IL34: variants seen among roughly 807,000 people sequenced by gnomAD.
IL34 encodes interleukin-34.
A neutral mutation model predicts 25.3 loss-of-function variants in IL34; 17 were observed. The observed-to-expected ratio is 0.67, with a 90% CI of 0.46 to 1.01. The LOEUF (loss-of-function observed/expected upper bound fraction) is 1.01. Among genes scored for constraint, IL34 ranks in the 50% least tolerant of loss-of-function variants. The pLI, the probability that IL34 is intolerant of heterozygous loss-of-function variation, is 0.00. For synonymous variants in IL34, 174 were observed against 140.9 expected (o/e 1.23, Z -1.66); for missense variants, 368 against 312.9 (o/e 1.18, Z -1.33).
intron 1 of IL34, among the ~76,000 whole-genome samples, chr16:70,598,718 G>A (rs533786182): frequency 2.2e-4 from 34 of 152,220 alleles, no homozygotes; most frequent in Non-Finnish European, 4.9e-4. Flanking sequence ...CAGCCTGGGC[G>A]ACAGAGTGAA....
chr16:70,630,392 T>C (rs976741010), intron 1 of IL34, among the ~76,000 whole-genome samples: 5 of 152,018 alleles, frequency 3.3e-5, no homozygotes, highest in Non-Finnish European at 5.9e-5. Context: ...CCACCATGCC[T>C]GGCTAAGTTT....
chr16:70,585,724 G>T (rs560556523), intron 1 of IL34, among the ~76,000 whole-genome samples: 3 of 151,354 alleles, frequency 2.0e-5, no homozygotes, highest in African/African-American at 7.3e-5. Context: ...TAGAGACAGG[G>T]TCTCCCTATG....
chr16:70,640,825 C>T (rs56220651), intron 1 of IL34, among the ~76,000 whole-genome samples: 1 of 151,912 alleles, frequency 6.6e-6, no homozygotes, highest in Admixed American at 6.6e-5. Flanking sequence ...CCAAAATTCC[C>T]CTGCGCCCCT....
intron 1 of IL34, among the ~76,000 whole-genome samples, chr16:70,612,995 A>C (rs1327023047): frequency 6.6e-6 from 1 of 151,904 alleles, no homozygotes; most frequent in Non-Finnish European, 1.5e-5. Flanking sequence ...CTGGTCTCGA[A>C]CTCCTGACCT....
intron 4 of IL34, among the ~76,000 whole-genome samples, chr16:70,657,978 T>A (rs1963853794): frequency 6.6e-6 from 1 of 152,090 alleles, no homozygotes; most frequent in South Asian, 2.1e-4. Flanking sequence ...GATATTATCC[T>A]CTAAAATGCC....
intron 1 of IL34, among the ~76,000 whole-genome samples, chr16:70,599,288 T>C (rs2050872373): frequency 1.6e-5 from 2 of 124,294 alleles, no homozygotes; most frequent in South Asian, 6.7e-4. Context: ...TTTCTTTCTT[T>C]CTTTCTTCTT....
In IL34 at chr16:70,629,703, C is replaced by CT. The variant is rs753038665; in HGVS notation, c.-400-16834dup. ...ATTGTAGACCTCACTACATTTTTTT[C>CT]TTTTTTTTTTTAATTTGAAATGTTT... On this transcript the variant is annotated intron_variant, in intron 1 of 6. Coordinates refer to the IL34 transcript ENST00000429149. 8.9e-3 allele frequency among the ~76,000 whole-genome samples: 1,251 copies of CT among 140,546 alleles called. 16 individuals carry two copies. Among genetic ancestry groups the CT allele is most frequent in the African/African-American group, 0.03 (1,150 of 38,486 alleles). 92.2% of individuals were successfully genotyped at this position (140,546 alleles called of 152,430 possible).
chr16:70,612,310 A>G (rs12149517), intron 1 of IL34, among the ~76,000 whole-genome samples: 67,814 of 149,868 alleles, frequency 0.45, 15,577 homozygotes, highest in South Asian at 0.66. Context: ...ACAGCCTGAA[A>G]GCACTGGGGG....
At position 70,618,960 on chromosome 16, in the gene IL34, G is replaced by C. The variant is rs148063762; in HGVS notation, c.-400-27588G>C. ...ATAGTAAAGAAAGCATGTTTGAGATGTAGAACAGAATAATGGGTTATAGAG... is the reference window on the plus strand; with the variant it reads ...ATAGTAAAGAAAGCATGTTTGAGATCTAGAACAGAATAATGGGTTATAGAG... On this transcript the variant is annotated intron_variant, in intron 1 of 6. Coordinates refer to the IL34 transcript ENST00000429149. Among the ~76,000 whole-genome samples the C allele has an allele frequency of 9.9e-3, 1,499 of 152,180 alleles. 23 individuals are homozygous for C. The highest frequency in any genetic ancestry group is 0.034 in the African/African-American group (1,430 of 41,510).
In IL34 at chr16:70,582,449, G is replaced by A. The variant is rs143544029; in HGVS notation, c.-401+2400G>A. ...GCTCAGCAGAAGGAGCGTAGGCTCT[G>A]GAGCTGGTCGGGCTGGATTCCGGTC... On this transcript the variant is annotated intron_variant, in intron 1 of 6. Transcript: ENST00000429149. Among the ~76,000 whole-genome samples, 110 of 152,380 alleles carry A rather than the reference G, an allele frequency of 7.2e-4. 1 individual carries two copies. The highest frequency in any genetic ancestry group is 2.5e-3 in the African/African-American group (106 of 41,592).
intron 1 of IL34, among the ~76,000 whole-genome samples, chr16:70,632,749 G>A (rs2151852131): frequency 6.6e-6 from 1 of 152,258 alleles, no homozygotes; most frequent in East Asian, 1.9e-4. Flanking sequence ...GAGAGCTATG[G>A]GGAGGGATCT....
chr16:70,660,261 C>T lies in IL34; in HGVS notation c.*74C>T, dbSNP rs1457231277. 5 of 1,377,456 alleles carry T rather than the reference C, an allele frequency of 3.6e-6. No homozygotes were observed. The highest frequency in any genetic ancestry group is 4.9e-6 in the Non-Finnish European group (5 of 1,028,584). The allele number at this position is 1,377,456 out of a possible 1,614,324, so 85.3% of individuals were successfully genotyped here. A position where few individuals can be genotyped will look rare whatever the true frequency, so the allele number is the denominator to read the frequency against. On this transcript the variant is annotated 3_prime_UTR_variant, in exon 6 of 6. Coordinates refer to ENST00000288098, the MANE Select transcript of IL34 (RefSeq NM_001393494.1). ...AGGAGTTCAACTGGGTCTGAGACTT[C>T]AAGGGGTGGTGGTGGGAGCCCCCCT...
Position 70,646,719 on chromosome 16 carries a change from T to C in IL34, c.-229T>C, listed in dbSNP as rs548190195. 4.1e-6 allele frequency: 2 copies of C among 483,350 alleles called. No individual in the cohort carries two copies. Among genetic ancestry groups the C allele is most frequent in the Non-Finnish European group, 7.2e-6 (2 of 278,148 alleles). The allele number at this position is 483,350 out of a possible 1,614,324, so 29.9% of individuals were successfully genotyped here. The stretch of plus-strand genomic sequence containing the variant: ...CCTGCTTCTGGGCTGCCATGGGACT[T>C]GCGGCCACCGCCCCCCGGCTGTCCT... On this transcript the variant is annotated 5_prime_UTR_variant, in exon 1 of 6. Transcript: ENST00000288098.
intron 1 of IL34, among the ~76,000 whole-genome samples, chr16:70,588,509 A>G (rs999615242): frequency 2.6e-5 from 4 of 152,084 alleles, no homozygotes; most frequent in Admixed American, 6.6e-5. Context: ...AAAAAAAAAC[A>G]TTAAAAATAG....
At chr16:70,621,091 A>G (rs1238791978) in intron 1 of IL34, among the ~76,000 whole-genome samples, 1 of 152,122 alleles carries the variant, frequency 6.6e-6, no homozygotes, top group East Asian at 1.9e-4. Context: ...CTTGCCCCCT[A>G]GGAAAGCGGG....
intron 1 of IL34, among the ~76,000 whole-genome samples, chr16:70,586,143 G>C (rs1160382877): frequency 6.6e-6 from 1 of 152,170 alleles, no homozygotes; most frequent in Non-Finnish European, 1.5e-5. Context: ...TGGCCTCCTT[G>C]TTTTTAAGAC....
intron 1 of IL34, among the ~76,000 whole-genome samples, chr16:70,609,203 C>T (rs2051055220): frequency 1.3e-5 from 2 of 152,144 alleles, no homozygotes; most frequent in Non-Finnish European, 2.9e-5. Flanking sequence ...CTCAGCCTTC[C>T]ATGTAGCTGG....
At chr16:70,605,702 C>T (rs954277725) in intron 1 of IL34, among the ~76,000 whole-genome samples, 2 of 152,066 alleles carry the variant, frequency 1.3e-5, no homozygotes, top group African/African-American at 4.8e-5. Context: ...TGGAGTTTCA[C>T]TCTTGTTGCC....
intron 1 of IL34, among the ~76,000 whole-genome samples, chr16:70,587,533 A>G (rs1238468162): frequency 6.6e-6 from 1 of 151,832 alleles, no homozygotes; most frequent in Non-Finnish European, 1.5e-5. Context: ...GGCGTCCCAA[A>G]GGGCTGGGAT....
Sources: gnomAD v4.1 joint callset for allele counts (sites outside exome capture counted in the v4.1 genomes callset) on GRCh38, gnomAD v4.1.1 for gene constraint, MANE v1.5 for transcripts, NCBI Gene and HGNC (gene_info 2026-07-23, HGNC 2026-07-21) for gene names.